The following CDKAL1 variants were observed in gnomAD, a reference collection of about 807,000 sequenced individuals.
CDKAL1 encodes threonylcarbamoyladenosine tRNA methylthiotransferase.
Under a neutral mutation model 68.2 loss-of-function variants are expected in CDKAL1, and 32 were observed. That is an observed-to-expected ratio of 0.47 (90% CI 0.35 to 0.63). The LOEUF (loss-of-function observed/expected upper bound fraction) is 0.63. CDKAL1 is among the 30% of genes least tolerant of loss of function. CDKAL1 has a pLI of 0.00. For synonymous variants in CDKAL1, 234 were observed against 244.3 expected (o/e 0.96, Z 0.39); for missense variants, 606 against 696.7 (o/e 0.87, Z 1.47).
In CDKAL1 at chr6:20,680,060, AT is replaced by A. The variant is rs1021047945; in HGVS notation, c.371+30691del. The stretch of plus-strand genomic sequence containing the variant: ...TCCATCACTTTCTCTTTGACTTTTA[AT>A]TTTTTTTAATTTTTATTTTTTTCTG... On this transcript the variant is annotated intron_variant, in intron 5 of 15. Transcript: ENST00000274695. 1.2e-4 allele frequency among the ~76,000 whole-genome samples: 18 copies of A among 149,298 alleles called. No homozygotes were observed. In the East Asian group the frequency reaches 2.8e-3, roughly 23 times the overall value.
rs914519090 is a variant in CDKAL1 at position 20,678,032 on chromosome 6, G to C, written c.371+28655G>C. On this transcript the variant is annotated intron_variant, in intron 5 of 15. Transcript: ENST00000274695. ...ATGTTCAATGGGTGCTTGAAAAGAA[G>C]GTGTATTCTCTTCTCTGTTATTAGG... Among the ~76,000 whole-genome samples, 2 of 150,222 alleles carry C rather than the reference G, an allele frequency of 1.3e-5. 1 individual carries two copies. Among genetic ancestry groups the C allele is most frequent in the African/African-American group, 4.9e-5 (2 of 41,044 alleles).
At position 20,668,962 on chromosome 6, in the gene CDKAL1, C is replaced by T. The variant is rs60984336; in HGVS notation, c.371+19585C>T. On this transcript the variant is annotated intron_variant, in intron 5 of 15. Transcript: ENST00000274695. ...ATTTTATCAAGAATATAGGAGTGGT[C>T]GATATTGCACTTGAGATTGACAAAT... is the stretch of plus-strand genomic sequence containing the variant. 3.9e-5 allele frequency among the ~76,000 whole-genome samples: 6 copies of T among 151,990 alleles called. No homozygotes were observed. The South Asian group carries it at 6.2e-4, about 16-fold the overall frequency.
intron 7 of CDKAL1, among the ~76,000 whole-genome samples, chr6:20,773,704 C>A (rs1285488757): frequency 2.6e-5 from 4 of 151,960 alleles, no homozygotes; most frequent in African/African-American, 9.7e-5. Context: ...CCTGCCACCA[C>A]GCCCAGCTAA....
intron 8 of CDKAL1, among the ~76,000 whole-genome samples, chr6:20,826,519 C>T (rs12209113): frequency 0.31 from 47,216 of 151,868 alleles, 7,640 homozygotes; most frequent in East Asian, 0.53. Flanking sequence ...AAATGGCACA[C>T]GAGTGTCTGA....
rs192695782 is a variant in CDKAL1, at chr6:20,592,305, A to G, written c.286+43600A>G. Among the ~76,000 whole-genome samples the G allele has an allele frequency of 1.6e-3, 248 of 152,300 alleles. 2 individuals carry two copies. The highest frequency in any genetic ancestry group is 6.8e-3 in the Middle Eastern group (2 of 294). On this transcript the variant is annotated intron_variant, in intron 4 of 15. Transcript: ENST00000274695. ...ATATACAATCATGTCATCTGCAAAC[A>G]GAGGTAATTTGACTTCCTCTCTTCC...
At chr6:20,875,293 G>A (rs1263657831) in intron 9 of CDKAL1, among the ~76,000 whole-genome samples, 2 of 124,030 alleles carry the variant, frequency 1.6e-5, no homozygotes, top group Admixed American at 9.3e-5. Context: ...GCGACAGAGC[G>A]AGACTCCGTC....
intron 5 of CDKAL1, among the ~76,000 whole-genome samples, chr6:20,675,114 AT>A (rs1459588587): frequency 6.6e-6 from 1 of 151,920 alleles, no homozygotes; most frequent in Non-Finnish European, 1.5e-5. Context: ...ATAATAAAAT[AT>A]TATCATTTGG....
rs1775224247 is a variant in CDKAL1, at chr6:21,130,093, T to G, written c.1299+21630T>G. On this transcript the variant is annotated intron_variant, in intron 13 of 15. Transcript: ENST00000274695. The stretch of plus-strand genomic sequence containing the variant: ...GTTTTGGGGGGTTTTTTGTCATTAT[T>G]TATTTTTGTTTCTAGCTATTGTTGA... Among the ~76,000 whole-genome samples the G allele has an allele frequency of 2.0e-5, 3 of 152,274 alleles. No homozygotes were observed. The South Asian group carries it at 6.2e-4, about 32-fold the overall frequency.
intron 10 of CDKAL1, among the ~76,000 whole-genome samples, chr6:20,990,842 A>G (rs953794790): frequency 6.6e-6 from 1 of 152,246 alleles, no homozygotes; most frequent in South Asian, 2.1e-4. Flanking sequence ...GAACACTGGC[A>G]TTGGTCTTTC....
chr6:20,893,540 A>C (rs977134355), intron 9 of CDKAL1, among the ~76,000 whole-genome samples: 1 of 152,130 alleles, frequency 6.6e-6, no homozygotes, highest in East Asian at 1.9e-4. Flanking sequence ...TCATTGCATA[A>C]TTTTTTGTTC....
chr6:21,010,113 T>C (rs1423158425), intron 11 of CDKAL1, among the ~76,000 whole-genome samples: 1 of 152,230 alleles, frequency 6.6e-6, no homozygotes, highest in Non-Finnish European at 1.5e-5. Context: ...TCCATAAATA[T>C]GCATAGTATT....
chr6:21,012,978 T>C (rs953567634), intron 11 of CDKAL1, among the ~76,000 whole-genome samples: 2 of 152,204 alleles, frequency 1.3e-5, no homozygotes, highest in East Asian at 3.8e-4. Context: ...GCAAAGGTCT[T>C]AACTGGACGT....
intron 10 of CDKAL1, among the ~76,000 whole-genome samples, chr6:20,967,050 T>A (rs1417293698): frequency 6.6e-6 from 1 of 152,204 alleles, no homozygotes; most frequent in East Asian, 1.9e-4. Flanking sequence ...TGACAATACT[T>A]GGCATTCCTT....
chr6:20,835,413 G>A (rs1777890175), intron 8 of CDKAL1, among the ~76,000 whole-genome samples: 1 of 152,172 alleles, frequency 6.6e-6, no homozygotes, highest in African/African-American at 2.4e-5. Flanking sequence ...GGAAGAGGTA[G>A]GTGCAGACAT....
intron 9 of CDKAL1, among the ~76,000 whole-genome samples, chr6:20,889,878 T>G (rs556256152): frequency 9.2e-5 from 14 of 152,268 alleles, no homozygotes; most frequent in Non-Finnish European, 1.8e-4. Context: ...TTAAAGTAGT[T>G]TTTTCCAATT....
At chr6:20,962,705 A>G (rs1208105687) in intron 10 of CDKAL1, among the ~76,000 whole-genome samples, 1 of 152,234 alleles carries the variant, frequency 6.6e-6, no homozygotes, top group African/African-American at 2.4e-5. Flanking sequence ...GAATAATAGA[A>G]TAATATGTAA....
chr6:21,098,359 G>A (rs953727892), intron 12 of CDKAL1, among the ~76,000 whole-genome samples: 3 of 152,078 alleles, frequency 2.0e-5, no homozygotes, highest in Non-Finnish European at 4.4e-5. Context: ...AGACTGTAGG[G>A]GGAATGAAGG....
At chr6:20,747,446 C>T (rs1362166729) in intron 6 of CDKAL1, among the ~76,000 whole-genome samples, 1 of 152,172 alleles carries the variant, frequency 6.6e-6, no homozygotes, top group Admixed American at 6.5e-5. Context: ...TACTTTCCTA[C>T]CAACAGTGCA....
intron 5 of CDKAL1, among the ~76,000 whole-genome samples, chr6:20,717,424 G>C (rs1400925714): frequency 6.6e-6 from 1 of 151,640 alleles, no homozygotes; most frequent in East Asian, 2.0e-4. Context: ...ACAAGCAGAA[G>C]CATCAGGCTT....
Sources: allele counts gnomAD v4.1 joint callset (sites outside exome capture counted in the v4.1 genomes callset), GRCh38; gene constraint gnomAD v4.1.1; transcripts MANE v1.5; gene names NCBI Gene and HGNC (gene_info 2026-07-23, HGNC 2026-07-21).